The following LINGO2 variants were observed in gnomAD, a reference collection of about 807,000 sequenced individuals.
LINGO2 encodes the protein leucine-rich repeat and immunoglobulin-like domain-containing nogo receptor-interacting protein 2.
Under a neutral mutation model 30.6 loss-of-function variants are expected in LINGO2, and 14 were observed. That is an observed-to-expected ratio of 0.46 (90% CI 0.30 to 0.72). The LOEUF (loss-of-function observed/expected upper bound fraction) is 0.72. Among genes scored for constraint, LINGO2 ranks in the 30% least tolerant of loss-of-function variants. LINGO2 has a pLI of 0.07. For synonymous variants in LINGO2, 317 were observed against 288.5 expected (o/e 1.10, Z -1.00); for missense variants, 729 against 751.7 (o/e 0.97, Z 0.35).
At chr9:29,123,824 G>A in the LINGO2 span, among the ~76,000 whole-genome samples, 1 of 151,998 alleles carries the variant, frequency 6.6e-6, no homozygotes, top group Non-Finnish European at 1.5e-5. Context: ...TTAAAGTGGG[G>A]TTCTGTTATC....
intron 4 of LINGO2, among the ~76,000 whole-genome samples, chr9:28,190,912 C>T (rs1281950413): frequency 6.6e-6 from 1 of 152,164 alleles, no homozygotes; most frequent in Admixed American, 6.5e-5. Context: ...ATATACCAGA[C>T]AGATGTCAGC....
intron 1 of LINGO2, among the ~76,000 whole-genome samples, chr9:28,551,955 C>G (rs1396891726): frequency 6.6e-6 from 1 of 151,998 alleles, no homozygotes; most frequent in East Asian, 1.9e-4. Flanking sequence ...TCTACTCTTC[C>G]TTTTATAAAA....
chr9:28,198,238 T>A (rs927104707), intron 4 of LINGO2, among the ~76,000 whole-genome samples: 1 of 135,066 alleles, frequency 7.4e-6, no homozygotes, highest in African/African-American at 2.5e-5. Context: ...CATTTCTCTG[T>A]GGACAAATAT....
At chr9:29,189,218 G>A in the LINGO2 span, among the ~76,000 whole-genome samples, 10 of 150,418 alleles carry the variant, frequency 6.6e-5, no homozygotes, top group Non-Finnish European at 1.0e-4. Context: ...AGTAGGGGCG[G>A]CCGGGCAGAG....
At chr9:28,229,960 C>T (rs1821300709) in intron 4 of LINGO2, among the ~76,000 whole-genome samples, 1 of 151,488 alleles carries the variant, frequency 6.6e-6, no homozygotes, top group Admixed American at 6.6e-5. Flanking sequence ...GACCTAAAGG[C>T]AATAAAAGAA....
At chr9:29,201,036 C>G in the LINGO2 span, among the ~76,000 whole-genome samples, 2 of 151,906 alleles carry the variant, frequency 1.3e-5, no homozygotes, top group South Asian at 4.1e-4. Context: ...TGATGTTGAC[C>G]TTGGTCACTT....
At chr9:28,633,277 C>G (rs1270566826) in intron 1 of LINGO2, among the ~76,000 whole-genome samples, 1 of 152,002 alleles carries the variant, frequency 6.6e-6, no homozygotes, top group African/African-American at 2.4e-5. Flanking sequence ...TCAATTCAGT[C>G]AAGTTGACAC....
chr9:29,060,270 T>C, the LINGO2 span, among the ~76,000 whole-genome samples: 8 of 151,896 alleles, frequency 5.3e-5, no homozygotes, highest in African/African-American at 1.7e-4. Flanking sequence ...ATGGTGAGCA[T>C]CCAAAAAAGA....
the LINGO2 span, among the ~76,000 whole-genome samples, chr9:28,842,436 GA>G: frequency 6.6e-6 from 1 of 151,838 alleles, no homozygotes; most frequent in Admixed American, 6.6e-5. Flanking sequence ...TATTAAGGAT[GA>G]AAAAGACATC....
chr9:28,440,697 A>G (rs1056780067), intron 2 of LINGO2, among the ~76,000 whole-genome samples: 1 of 152,210 alleles, frequency 6.6e-6, no homozygotes, highest in Non-Finnish European at 1.5e-5. Flanking sequence ...TGTTTCAACT[A>G]TGACTACCCT....
At chr9:28,353,931 C>A (rs138511463) in intron 3 of LINGO2, among the ~76,000 whole-genome samples, 1 of 152,036 alleles carries the variant, frequency 6.6e-6, no homozygotes, top group Non-Finnish European at 1.5e-5. Flanking sequence ...CATATTCTCA[C>A]TCATAGGTGG....
chr9:28,456,330 G>T (rs1464827783), intron 2 of LINGO2, among the ~76,000 whole-genome samples: 1 of 152,168 alleles, frequency 6.6e-6, no homozygotes, highest in Admixed American at 6.6e-5. Context: ...CCTCCAACCT[G>T]AGTTGCTTCT....
intron 3 of LINGO2, among the ~76,000 whole-genome samples, chr9:28,306,576 A>G (rs907538481): frequency 6.6e-6 from 1 of 152,116 alleles, no homozygotes; most frequent in Non-Finnish European, 1.5e-5. Flanking sequence ...AATAACTAAA[A>G]TCAGAGCAGA....
the LINGO2 span, among the ~76,000 whole-genome samples, chr9:28,868,557 A>C: frequency 6.6e-6 from 1 of 152,142 alleles, no homozygotes; most frequent in Non-Finnish European, 1.5e-5. Context: ...TGTCCACATA[A>C]TAGTCCAGTG....
chr9:28,651,153 A>G (rs1415624994), intron 1 of LINGO2, among the ~76,000 whole-genome samples: 1 of 151,564 alleles, frequency 6.6e-6, no homozygotes, highest in Non-Finnish European at 1.5e-5. Context: ...ACTGTACTCC[A>G]GCCTGGGCGA....
the LINGO2 span, among the ~76,000 whole-genome samples, chr9:28,808,041 C>A: frequency 6.6e-6 from 1 of 152,128 alleles, no homozygotes; most frequent in African/African-American, 2.4e-5. Flanking sequence ...TGATTAGAAT[C>A]ATCATAATGA....
At chr9:28,894,886 T>C in the LINGO2 span, among the ~76,000 whole-genome samples, 1 of 152,262 alleles carries the variant, frequency 6.6e-6, no homozygotes, top group Non-Finnish European at 1.5e-5. Flanking sequence ...AATATCTTAG[T>C]AATTTCAAGA....
the LINGO2 span, among the ~76,000 whole-genome samples, chr9:29,098,163 A>G: frequency 1.3e-5 from 2 of 152,200 alleles, no homozygotes; most frequent in African/African-American, 4.8e-5. Flanking sequence ...GTTAAATACT[A>G]TAGAGTAATT....
chr9:28,938,035 T>A, the LINGO2 span, among the ~76,000 whole-genome samples: 1 of 152,170 alleles, frequency 6.6e-6, no homozygotes, highest in East Asian at 1.9e-4. Flanking sequence ...TGAAAACAGT[T>A]GGGATTTGGT....
Sources: gnomAD v4.1 joint callset for allele counts (sites outside exome capture counted in the v4.1 genomes callset) on GRCh38, gnomAD v4.1.1 for gene constraint, MANE v1.5 for transcripts, NCBI Gene and HGNC (gene_info 2026-07-23, HGNC 2026-07-21) for gene names.